The following EFNA5 variants were observed in gnomAD, a reference collection of about 807,000 sequenced individuals.
The protein encoded by EFNA5 is ephrin-A5.
A neutral mutation model predicts 22.9 loss-of-function variants in EFNA5; 5 were observed. The observed-to-expected ratio is 0.22, with a 90% CI of 0.11 to 0.46. The LOEUF (loss-of-function observed/expected upper bound fraction) is 0.46, where lower values mean the gene tolerates loss of function less well. EFNA5 is among the 20% of genes least tolerant of loss of function. The pLI, the probability that EFNA5 is intolerant of heterozygous loss-of-function variation, is 0.99. For synonymous variants in EFNA5, 113 were observed against 112.2 expected (o/e 1.01, Z -0.04); for missense variants, 237 against 293.3 (o/e 0.81, Z 1.40).
chr5:107,513,620 A>G (rs1177908657), intron 1 of EFNA5, among the ~76,000 whole-genome samples: 1 of 152,176 alleles, frequency 6.6e-6, no homozygotes, highest in Admixed American at 6.5e-5. Flanking sequence ...TCAACTGTTC[A>G]TTTATTTATT....
At chr5:107,652,831 C>G (rs1750758591) in intron 1 of EFNA5, among the ~76,000 whole-genome samples, 1 of 151,978 alleles carries the variant, frequency 6.6e-6, no homozygotes, top group Non-Finnish European at 1.5e-5. Flanking sequence ...AGCTTTTTCT[C>G]AAAGTACTCC....
intron 1 of EFNA5, among the ~76,000 whole-genome samples, chr5:107,591,858 T>A (rs1428847478): frequency 1.3e-5 from 1 of 79,104 alleles, no homozygotes; most frequent in Non-Finnish European, 2.3e-5. Flanking sequence ...ATATATAATA[T>A]AAAAAATATA....
chr5:107,670,346 G>C, intron 1 of EFNA5, 143 bp downstream of exon 1: 1 of 1,092,052 alleles, frequency 9.2e-7, no homozygotes, highest in Non-Finnish European at 1.2e-6. Flanking sequence ...TCCCGCCGAC[G>C]CCTCAAGCCA....
chr5:107,474,484 C>T (rs1750225574), intron 1 of EFNA5, among the ~76,000 whole-genome samples: 1 of 151,920 alleles, frequency 6.6e-6, no homozygotes, highest in African/African-American at 2.4e-5. Flanking sequence ...AAAAATTTCC[C>T]AGAGGATCAG....
intron 1 of EFNA5, among the ~76,000 whole-genome samples, chr5:107,601,679 T>A (rs577351726): frequency 6.6e-6 from 1 of 152,336 alleles, no homozygotes; most frequent in Non-Finnish European, 1.5e-5. Flanking sequence ...GTGCAGTAAC[T>A]GAACACTTAT....
At chr5:107,454,366 T>C (rs1749638499) in intron 1 of EFNA5, among the ~76,000 whole-genome samples, 2 of 152,140 alleles carry the variant, frequency 1.3e-5, no homozygotes, top group African/African-American at 4.8e-5. Context: ...TATACCTTTG[T>C]TTTTAAAATT....
intron 1 of EFNA5, among the ~76,000 whole-genome samples, chr5:107,523,907 A>C (rs527523690): frequency 1.4e-4 from 22 of 152,362 alleles, no homozygotes; most frequent in African/African-American, 4.6e-4. Flanking sequence ...CTTACCTTCC[A>C]ATTCATTTCT....
At chr5:107,584,600 A>G (rs1187356594) in intron 1 of EFNA5, among the ~76,000 whole-genome samples, 1 of 152,138 alleles carries the variant, frequency 6.6e-6, no homozygotes, top group Middle Eastern at 3.2e-3. Context: ...GCAAAACTCA[A>G]CCATTAAGAA....
chr5:107,602,829 GAAAA>G (rs1289547937), intron 1 of EFNA5, among the ~76,000 whole-genome samples: 2 of 93,136 alleles, frequency 2.1e-5, no homozygotes, highest in South Asian at 3.8e-4. Context: ...CACAAAGGAG[GAAAA>G]AGAAAGAAAG....
rs555179148 is a variant in EFNA5 at position 107,627,494 on chromosome 5, G to T, written c.125+42995C>A. 1.2e-4 allele frequency among the ~76,000 whole-genome samples: 19 copies of T among 152,268 alleles called. 1 individual carries two copies. In the South Asian group the frequency reaches 1.7e-3, roughly 13 times the overall value. ...GTTTAAAGAGTATTAAGCCACATCA[G>T]ATGCGGTGGCACGGGCCTGTAGTCC... On this transcript the variant is annotated intron_variant, in intron 1 of 4. Coordinates refer to ENST00000333274, the MANE Select transcript of EFNA5 (RefSeq NM_001962.3).
At chr5:107,525,547 T>C (rs1028385411) in intron 1 of EFNA5, among the ~76,000 whole-genome samples, 4 of 152,208 alleles carry the variant, frequency 2.6e-5, no homozygotes, top group Admixed American at 6.5e-5. Context: ...TTAACACATA[T>C]TGTATTTTTT....
At chr5:107,440,854 A>G (rs1259305151) in intron 1 of EFNA5, among the ~76,000 whole-genome samples, 2 of 152,164 alleles carry the variant, frequency 1.3e-5, no homozygotes, top group Non-Finnish European at 2.9e-5. Context: ...ATGCTATGTG[A>G]TGGTAAATGT....
chr5:107,668,091 TA>T (rs1055273424), intron 1 of EFNA5, among the ~76,000 whole-genome samples: 17 of 152,206 alleles, frequency 1.1e-4, no homozygotes, highest in Admixed American at 9.8e-4. Context: ...CATACCAAGA[TA>T]AATGTGTCCA....
At chr5:107,647,716 A>G (rs774415140) in intron 1 of EFNA5, among the ~76,000 whole-genome samples, 2 of 152,170 alleles carry the variant, frequency 1.3e-5, no homozygotes, top group Non-Finnish European at 2.9e-5. Flanking sequence ...CTGCTCACAA[A>G]TCAATCTACT....
At chr5:107,657,426 CTGTT>C (rs1339881998) in intron 1 of EFNA5, among the ~76,000 whole-genome samples, 1 of 152,082 alleles carries the variant, frequency 6.6e-6, no homozygotes, top group Non-Finnish European at 1.5e-5. Flanking sequence ...CCCAAATTCA[CTGTT>C]TGAGAACCCT....
intron 2 of EFNA5, among the ~76,000 whole-genome samples, chr5:107,421,856 A>T (rs1428856678): frequency 1.3e-5 from 2 of 150,810 alleles, no homozygotes; most frequent in East Asian, 3.9e-4. Context: ...CAATGGAGCG[A>T]TCCCAGCTCA....
At chr5:107,474,851 C>G (rs986106242) in intron 1 of EFNA5, among the ~76,000 whole-genome samples, 1 of 152,172 alleles carries the variant, frequency 6.6e-6, no homozygotes, top group Non-Finnish European at 1.5e-5. Flanking sequence ...AATTAAGGGC[C>G]ATTCTAAGGG....
At chr5:107,597,631 A>G (rs1749500888) in intron 1 of EFNA5, among the ~76,000 whole-genome samples, 1 of 152,330 alleles carries the variant, frequency 6.6e-6, no homozygotes, top group South Asian at 2.1e-4. Context: ...CCAGAAAAAA[A>G]GTGTAGAAAA....
At chr5:107,458,393 G>A (rs1301632101) in intron 1 of EFNA5, among the ~76,000 whole-genome samples, 2 of 151,952 alleles carry the variant, frequency 1.3e-5, no homozygotes, top group East Asian at 3.9e-4. Flanking sequence ...TACATTTTGA[G>A]ATGTAAAGGT....
Sources: allele counts gnomAD v4.1 joint callset (sites outside exome capture counted in the v4.1 genomes callset), GRCh38; gene constraint gnomAD v4.1.1; transcripts MANE v1.5; gene names NCBI Gene and HGNC (gene_info 2026-07-23, HGNC 2026-07-21).